Variants in DACH1 observed in about 807,000 individuals in gnomAD.
The protein encoded by DACH1 is dachshund homolog 1.
A neutral mutation model predicts 54.2 loss-of-function variants in DACH1; 12 were observed. The ratio of observed to expected loss-of-function variants is 0.22; its 90% CI spans 0.14 to 0.36. The LOEUF is 0.36. Ranked by LOEUF, DACH1 falls within the 10% of genes least tolerant of loss-of-function variation. DACH1 has a pLI of 1.00. For missense variants in DACH1, 805 were observed against 929.8 expected (o/e 0.87, Z 1.75); for synonymous variants, 386 against 366.2 (o/e 1.05, Z -0.62).
chr13:71,678,522 A>G (rs1489031191), intron 2 of DACH1, among the ~76,000 whole-genome samples: 1 of 152,208 alleles, frequency 6.6e-6, no homozygotes, highest in Admixed American at 6.5e-5. Context: ...AATAGTAGTG[A>G]GCTGGCTCAC....
chr13:71,502,466 A>G (rs1285751407), intron 6 of DACH1, among the ~76,000 whole-genome samples: 2 of 152,170 alleles, frequency 1.3e-5, no homozygotes, highest in Non-Finnish European at 2.9e-5. Context: ...CCATACCAAC[A>G]AGGTCTATAC....
At chr13:71,573,737 T>G (rs933668189) in intron 3 of DACH1, among the ~76,000 whole-genome samples, 3 of 152,200 alleles carry the variant, frequency 2.0e-5, no homozygotes, top group African/African-American at 7.2e-5. Context: ...CTGCACATTC[T>G]TTTTGATTTT....
chr13:71,848,923 G>A (rs894437406), intron 1 of DACH1, among the ~76,000 whole-genome samples: 3 of 152,062 alleles, frequency 2.0e-5, no homozygotes, highest in Non-Finnish European at 2.9e-5. Flanking sequence ...AAGGAGAAAA[G>A]TTATCTCCAT....
At chr13:71,508,479 T>G (rs1214602111) in intron 6 of DACH1, among the ~76,000 whole-genome samples, 2 of 152,026 alleles carry the variant, frequency 1.3e-5, no homozygotes, top group Non-Finnish European at 2.9e-5. Context: ...TTTTTTTTTT[T>G]GTAGATAGAT....
chr13:71,505,490 C>CTG (rs149178068), intron 6 of DACH1, among the ~76,000 whole-genome samples: 4 of 151,464 alleles, frequency 2.6e-5, no homozygotes, highest in South Asian at 4.2e-4. Flanking sequence ...AAAGCAGATT[C>CTG]TGTGTGTGTG....
At chr13:71,780,870 ATG>A (rs1886340316) in intron 1 of DACH1, among the ~76,000 whole-genome samples, 1 of 152,154 alleles carries the variant, frequency 6.6e-6, no homozygotes, top group African/African-American at 2.4e-5. Context: ...TCAGTGGCTC[ATG>A]TCTGCAATCC....
At chr13:71,700,482 G>A (rs1882070436) in intron 1 of DACH1, among the ~76,000 whole-genome samples, 1 of 150,692 alleles carries the variant, frequency 6.6e-6, no homozygotes, top group African/African-American at 2.5e-5. Flanking sequence ...CATGAACCCG[G>A]GAGGCAGAAG....
intron 10 of DACH1, among the ~76,000 whole-genome samples, chr13:71,451,373 T>C (rs1167898388): frequency 1.3e-5 from 2 of 152,118 alleles, no homozygotes; most frequent in East Asian, 3.9e-4. Flanking sequence ...GCAGATAAAA[T>C]ACCGTATTTG....
chr13:71,602,681 A>T (rs1027110643), intron 3 of DACH1, among the ~76,000 whole-genome samples: 5 of 151,992 alleles, frequency 3.3e-5, no homozygotes, highest in African/African-American at 1.2e-4. Context: ...ACAATATCTA[A>T]TCAAGGCTGT....
intron 1 of DACH1, among the ~76,000 whole-genome samples, chr13:71,819,513 A>C (rs747241985): frequency 2.0e-5 from 3 of 152,188 alleles, no homozygotes; most frequent in Non-Finnish European, 4.4e-5. Context: ...TGTAGCTGGA[A>C]GTCTATTTCA....
intron 2 of DACH1, among the ~76,000 whole-genome samples, chr13:71,667,758 A>G (rs1000432411): frequency 1.3e-5 from 2 of 152,162 alleles, no homozygotes; most frequent in Non-Finnish European, 2.9e-5. Flanking sequence ...AATTTATTCA[A>G]TAAGTTACTT....
At chr13:71,771,685 A>C (rs939956605) in intron 1 of DACH1, among the ~76,000 whole-genome samples, 1 of 151,542 alleles carries the variant, frequency 6.6e-6, no homozygotes, top group Non-Finnish European at 1.5e-5. Context: ...GTGTTGGTAA[A>C]TGTTAAACAT....
intron 6 of DACH1, among the ~76,000 whole-genome samples, chr13:71,500,480 G>A (rs923970799): frequency 1.3e-5 from 2 of 152,126 alleles, no homozygotes; most frequent in Non-Finnish European, 2.9e-5. Flanking sequence ...TAGCTCTGGT[G>A]TTGAGGACTG....
At chr13:71,462,011 G>A (rs1429865912) in intron 10 of DACH1, among the ~76,000 whole-genome samples, 3 of 151,686 alleles carry the variant, frequency 2.0e-5, no homozygotes, top group Non-Finnish European at 2.9e-5. Flanking sequence ...AATAATTTAT[G>A]GTCTAAAATC....
At chr13:71,838,561 A>T (rs1888886670) in intron 1 of DACH1, among the ~76,000 whole-genome samples, 1 of 152,208 alleles carries the variant, frequency 6.6e-6, no homozygotes. Flanking sequence ...ATCCCTTGAA[A>T]CAATCGTATC....
rs1250608712 is a variant in DACH1, at chr13:71,729,325, CAT to C, written c.849-47417_849-47416del. Among the ~76,000 whole-genome samples, 5 of 151,942 alleles carry C rather than the reference CAT, an allele frequency of 3.3e-5. No individual in the cohort carries two copies. In the East Asian group the frequency reaches 5.8e-4, roughly 18 times the overall value. ...CTGAATGCAATCTATCTAGTCCACA[CAT>C]ATGAGAGAACATTCTGATAGATTTT... On this transcript the variant is annotated intron_variant, in intron 1 of 10. Coordinates refer to ENST00000613252, the MANE Select transcript of DACH1 (RefSeq NM_080759.6).
At chr13:71,787,410 T>C (rs894734250) in intron 1 of DACH1, among the ~76,000 whole-genome samples, 1 of 152,226 alleles carries the variant, frequency 6.6e-6, no homozygotes, top group Non-Finnish European at 1.5e-5. Flanking sequence ...GAGTATTTTT[T>C]ACATCTTTAG....
At position 71,761,630 on chromosome 13, in the gene DACH1, T is replaced by C. The variant is rs144808283; in HGVS notation, c.849-79720A>G. ...AATGTGCGTACACATCATCTGGGGTTGGGCAGGCAGGGAAGCTTGTTAAAT... is the reference window on the plus strand; with the variant it reads ...AATGTGCGTACACATCATCTGGGGTCGGGCAGGCAGGGAAGCTTGTTAAAT... On this transcript the variant is annotated intron_variant, in intron 1 of 10. Transcript: ENST00000613252. Among the ~76,000 whole-genome samples the C allele has an allele frequency of 6.6e-3, 1,002 of 152,288 alleles. 14 individuals are homozygous for C. Among genetic ancestry groups the C allele is most frequent in the African/African-American group, 0.023 (943 of 41,564 alleles).
At chr13:71,491,038 A>AT (rs768348196) in intron 6 of DACH1, among the ~76,000 whole-genome samples, 21 of 152,190 alleles carry the variant, frequency 1.4e-4, no homozygotes, top group Non-Finnish European at 2.4e-4. Flanking sequence ...ATTTACACAC[A>AT]TTTAGGCTAT....
Sources: gnomAD v4.1 joint callset for allele counts (sites outside exome capture counted in the v4.1 genomes callset) on GRCh38, gnomAD v4.1.1 for gene constraint, MANE v1.5 for transcripts, NCBI Gene and HGNC (gene_info 2026-07-23, HGNC 2026-07-21) for gene names.